AGBL3: variants seen among roughly 807,000 people sequenced by gnomAD.
AGBL3 encodes cytosolic carboxypeptidase 3.
A neutral mutation model predicts 94.5 loss-of-function variants in AGBL3; 68 were observed. That is an observed-to-expected ratio of 0.72 (90% CI 0.59 to 0.88). AGBL3 has a LOEUF of 0.88. AGBL3 is among the 40% of genes least tolerant of loss of function. AGBL3 has a pLI of 0.00. For synonymous variants in AGBL3, 354 were observed against 370.7 expected (o/e 0.95, Z 0.52); for missense variants, 934 against 1,103.8 (o/e 0.85, Z 2.18).
At chr7:135,000,825 G>T (rs1811623707) in intron 4 of AGBL3, among the ~76,000 whole-genome samples, 1 of 152,102 alleles carries the variant, frequency 6.6e-6, no homozygotes, top group Non-Finnish European at 1.5e-5. Flanking sequence ...GTGCTCACAG[G>T]CTTTTTCCAT....
chr7:134,988,036 T>C (rs1156606071), intron 2 of AGBL3, 40 bp downstream of exon 2: 10 of 1,368,890 alleles, frequency 7.3e-6, no homozygotes, highest in Non-Finnish European at 1.0e-5. Flanking sequence ...GAGATAAAAT[T>C]TGTATTATAT....
intron 16 of AGBL3, among the ~76,000 whole-genome samples, chr7:135,123,085 T>TA (rs1416492516): frequency 6.7e-6 from 1 of 149,812 alleles, no homozygotes; most frequent in African/African-American, 2.4e-5. Flanking sequence ...AGATGAGTAA[T>TA]AAAAAACGGC....
At chr7:135,032,762 A>T in intron 5 of AGBL3, 82 bp from the exon 6 acceptor site, 1 of 1,294,062 alleles carries the variant, frequency 7.7e-7, no homozygotes, top group Non-Finnish European at 1.0e-6. Context: ...TTACACTTGT[A>T]CTATTGCTCC....
At chr7:135,126,422 G>C (rs1224818991) in intron 16 of AGBL3, among the ~76,000 whole-genome samples, 2 of 152,246 alleles carry the variant, frequency 1.3e-5, no homozygotes, top group Middle Eastern at 3.4e-3. Flanking sequence ...TTCCATCCTC[G>C]TGGATAGGAA....
intron 15 of AGBL3, among the ~76,000 whole-genome samples, chr7:135,114,124 C>A (rs1232171106): frequency 7.2e-6 from 1 of 139,446 alleles, no homozygotes; most frequent in Non-Finnish European, 1.6e-5. Flanking sequence ...GTTGCTTACA[C>A]TGTTGGCTAT....
At chr7:135,053,669 C>A (rs893076066) in intron 11 of AGBL3, among the ~76,000 whole-genome samples, 3 of 152,142 alleles carry the variant, frequency 2.0e-5, no homozygotes, top group African/African-American at 7.2e-5. Context: ...GGACGACCAT[C>A]TGCTATGGGA....
intron 15 of AGBL3, among the ~76,000 whole-genome samples, chr7:135,114,999 T>C (rs1014471315): frequency 3.5e-4 from 54 of 152,336 alleles, no homozygotes; most frequent in Admixed American, 3.1e-3. Context: ...CTTGGTGTTC[T>C]TGAACACACT....
chr7:135,037,652 G>A (rs375882240), intron 8 of AGBL3, 72 bp downstream of exon 8: 12 of 1,292,020 alleles, frequency 9.3e-6, no homozygotes, highest in Non-Finnish European at 1.1e-5. Context: ...AATGGCCCAC[G>A]TGGATAATAC....
chr7:135,037,402 T>C lies in AGBL3; in HGVS notation c.1338-16T>C. The C allele has an allele frequency of 3.3e-6, 5 of 1,531,740 alleles. No homozygotes were observed. Among genetic ancestry groups the C allele is most frequent in the Non-Finnish European group, 4.4e-6 (5 of 1,139,922 alleles). The allele number at this position is 1,531,740 out of a possible 1,614,324, so 94.9% of individuals were successfully genotyped here. A position where few individuals can be genotyped will look rare whatever the true frequency, so the allele number is the denominator to read the frequency against. ...TGCAGAGATAAAAGTTAGTAACTTA[T>C]CTTTCTTCCTGGCAGACTGATGGAG... is the stretch of plus-strand genomic sequence containing the variant. On this transcript the variant is annotated splice_polypyrimidine_tract_variant and intron_variant, in intron 7 of 16. Coordinates refer to ENST00000436302, the MANE Select transcript of AGBL3 (RefSeq NM_178563.4).
At chr7:135,100,303 G>A (rs1823634189) in intron 15 of AGBL3, among the ~76,000 whole-genome samples, 1 of 152,040 alleles carries the variant, frequency 6.6e-6, no homozygotes, top group Non-Finnish European at 1.5e-5. Flanking sequence ...GGTCATGGGG[G>A]GATAAAACTA....
intron 5 of AGBL3, among the ~76,000 whole-genome samples, chr7:135,029,967 T>C (rs1432912771): frequency 3.3e-5 from 5 of 152,124 alleles, no homozygotes; most frequent in Admixed American, 6.6e-5. Context: ...CACCATTTTA[T>C]ATGGGTGCAG....
intron 15 of AGBL3, chr7:135,093,707 T>C (rs1004750780): frequency 6.6e-6 from 1 of 152,182 alleles, no homozygotes; most frequent in Non-Finnish European, 1.5e-5. Context: ...TTCAGTGCAA[T>C]CCCTATCAAA....
intron 15 of AGBL3, chr7:135,101,092 G>A (rs530443528): frequency 6.9e-6 from 3 of 435,660 alleles, no homozygotes; most frequent in East Asian, 7.1e-5. Flanking sequence ...CCCAAAGTAT[G>A]ACTCAGAGTC....
chr7:135,096,775 G>GAAAGAAAGAA (rs1287951955), intron 15 of AGBL3, among the ~76,000 whole-genome samples: 12 of 148,540 alleles, frequency 8.1e-5, no homozygotes, highest in African/African-American at 3.0e-4. Flanking sequence ...AAGAAAGAAA[G>GAAAGAAAGAA]AAAGAAAGAA....
chr7:135,060,403 A>G (rs540346252), intron 12 of AGBL3, among the ~76,000 whole-genome samples: 2 of 152,328 alleles, frequency 1.3e-5, no homozygotes, highest in Admixed American at 6.5e-5. Context: ...TGGTGAGAAC[A>G]CTGAAAACAC....
rs1562913355 is a variant in AGBL3, at chr7:135,134,934, GGC to G, written c.2437_2438del (p.Ala813LysfsTer9). The G allele has an allele frequency of 1.3e-6, 2 of 1,551,088 alleles. No homozygotes were observed. The highest frequency in any genetic ancestry group is 2.4e-5 in the South Asian group (2 of 84,042). On this transcript the variant is annotated frameshift_variant, in exon 17 of 17. Coordinates refer to ENST00000436302, the MANE Select transcript of AGBL3 (RefSeq NM_178563.4). LOFTEE classifies it low-confidence loss of function (END_TRUNC). ...CTTTTGTAATCCAAGGGGATGTTAT[GGC>G]AAACTCTTCAGAATGGGTCCAGTCT... ...HPFVIQGDVM[A>X]NSSEWVQSKP...
chr7:135,103,429 G>A (rs1214646506), intron 15 of AGBL3, among the ~76,000 whole-genome samples: 3 of 152,100 alleles, frequency 2.0e-5, no homozygotes, highest in Non-Finnish European at 4.4e-5. Context: ...TCACCCATAT[G>A]AGTTAGAGTA....
At chr7:135,076,261 T>C in intron 12 of AGBL3, 136 bp from the exon 13 acceptor site, 1 of 652,778 alleles carries the variant, frequency 1.5e-6, no homozygotes, top group Non-Finnish European at 2.7e-6. Context: ...CCCAGAATTT[T>C]TGGTTGTACT....
chr7:135,052,775 G>T (rs894296585), intron 11 of AGBL3, among the ~76,000 whole-genome samples: 9 of 152,010 alleles, frequency 5.9e-5, no homozygotes, highest in Non-Finnish European at 1.3e-4. Context: ...ATAACTTTGT[G>T]CTATAAAATA....
Sources: allele counts gnomAD v4.1 joint callset (sites outside exome capture counted in the v4.1 genomes callset), GRCh38; gene constraint gnomAD v4.1.1; transcripts MANE v1.5; gene names NCBI Gene and HGNC (gene_info 2026-07-23, HGNC 2026-07-21).